NRXN3: variants seen among roughly 807,000 people sequenced by gnomAD.
NRXN3 encodes the protein neurexin III.
NRXN3 carries 32 observed loss-of-function variants against 137.6 expected under a neutral mutation model. That is an observed-to-expected ratio of 0.23 (90% CI 0.18 to 0.31). The LOEUF is 0.31. Ranked by LOEUF, NRXN3 falls within the 10% of genes least tolerant of loss-of-function variation. The pLI is 1.00. For missense variants in NRXN3, 1,574 were observed against 2,062.5 expected (o/e 0.76, Z 4.59); for synonymous variants, 798 against 784.5 (o/e 1.02, Z -0.29).
chr14:79,603,065 T>C (rs993048282), intron 16 of NRXN3, among the ~76,000 whole-genome samples: 2 of 152,210 alleles, frequency 1.3e-5, no homozygotes, highest in African/African-American at 4.8e-5. Flanking sequence ...GGAATCCAGT[T>C]CTCTTTCAGC....
chr14:79,337,709 A>C (rs1003051551), intron 15 of NRXN3, among the ~76,000 whole-genome samples: 1 of 152,178 alleles, frequency 6.6e-6, no homozygotes, highest in Non-Finnish European at 1.5e-5. Flanking sequence ...AATTCCTCAC[A>C]TGATAAATGC....
At position 78,685,725 on chromosome 14, in the gene NRXN3, T is replaced by G. The variant is rs148840792; in HGVS notation, c.1222-23492T>G. 9.2e-3 allele frequency among the ~76,000 whole-genome samples: 1,370 copies of G among 148,582 alleles called. 18 individuals are homozygous for G. The highest frequency in any genetic ancestry group is 0.031 in the African/African-American group (1,262 of 40,336). Reference sequence around the variant, plus strand: ...TCAGCCCACCACAACCTCCACCTCCTGGGTTCAAGCGATTCTCCTGCCTTA... The same window carrying G: ...TCAGCCCACCACAACCTCCACCTCCGGGGTTCAAGCGATTCTCCTGCCTTA... On this transcript the variant is annotated intron_variant, in intron 6 of 20. Transcript: ENST00000335750.
intron 9 of NRXN3, among the ~76,000 whole-genome samples, chr14:78,805,801 A>G (rs113904408): frequency 2.0e-5 from 3 of 152,244 alleles, no homozygotes; most frequent in African/African-American, 4.8e-5. Context: ...GTTGTTTAGT[A>G]AAGATTAGAG....
intron 15 of NRXN3, among the ~76,000 whole-genome samples, chr14:79,068,548 G>T (rs907850863): frequency 5.9e-5 from 9 of 152,060 alleles, no homozygotes; most frequent in African/African-American, 2.2e-4. Context: ...GTATAAATTT[G>T]ATCTTTCTTG....
At chr14:79,259,635 A>ATATATAGTTATCTATATATAGC (rs1487634079) in intron 15 of NRXN3, among the ~76,000 whole-genome samples, 5 of 148,146 alleles carry the variant, frequency 3.4e-5, no homozygotes, top group African/African-American at 4.9e-5. Context: ...ATATAGCTAT[A>ATATATAGTTATCTATATATAGC]TATATAGTTA....
At chr14:79,791,363 AT>A (rs2099144557) in intron 19 of NRXN3, 1 of 151,444 alleles carries the variant, frequency 6.6e-6, no homozygotes, top group South Asian at 2.1e-4. Flanking sequence ...GACAGGATAC[AT>A]TTTCTTAAAC....
chr14:79,491,206 T>C (rs988803914), intron 16 of NRXN3, among the ~76,000 whole-genome samples: 4 of 152,204 alleles, frequency 2.6e-5, no homozygotes, highest in Non-Finnish European at 4.4e-5. Flanking sequence ...CCATGCTTGC[T>C]GCTCACAAGT....
intron 15 of NRXN3, among the ~76,000 whole-genome samples, chr14:79,151,640 A>G (rs963411025): frequency 1.1e-4 from 16 of 152,110 alleles, no homozygotes; most frequent in Admixed American, 1.0e-3. Flanking sequence ...GCTCAAATGA[A>G]CAGGGCCTCA....
At chr14:79,471,015 G>A (rs2096499706) in intron 16 of NRXN3, among the ~76,000 whole-genome samples, 1 of 150,628 alleles carries the variant, frequency 6.6e-6, no homozygotes, top group South Asian at 2.1e-4. Flanking sequence ...AAGGAGAAGA[G>A]ACAAAGAAAG....
At chr14:78,534,799 TTTTC>T (rs1440996204) in intron 4 of NRXN3, among the ~76,000 whole-genome samples, 4 of 152,224 alleles carry the variant, frequency 2.6e-5, no homozygotes, top group Non-Finnish European at 5.9e-5. Context: ...GATTCTCCTT[TTTTC>T]TTTTCATTGC....
Position 78,957,234 on chromosome 14 carries a change from A to T in NRXN3, c.2276-8A>T. The T allele has an allele frequency of 6.2e-7, 1 of 1,613,282 alleles. No individual in the cohort carries two copies. The highest frequency in any genetic ancestry group is 2.2e-5 in the East Asian group (1 of 44,850). ...GATTCTAACTTTGGCACTTACTACC[A>T]TCCTTAGGCAAAGGACCAGAGACCT... On this transcript the variant is annotated splice_region_variant and splice_polypyrimidine_tract_variant and intron_variant, in intron 10 of 20. Coordinates refer to ENST00000335750, the MANE Select transcript of NRXN3 (RefSeq NM_001330195.2).
At chr14:78,682,956 C>A (rs2098090314) in intron 6 of NRXN3, among the ~76,000 whole-genome samples, 1 of 152,136 alleles carries the variant, frequency 6.6e-6, no homozygotes, top group Admixed American at 6.5e-5. Flanking sequence ...AGTAATATGT[C>A]AGAATGTCAT....
At chr14:78,855,097 G>A (rs780665676) in intron 10 of NRXN3, among the ~76,000 whole-genome samples, 1 of 151,646 alleles carries the variant, frequency 6.6e-6, no homozygotes, top group Admixed American at 6.6e-5. Flanking sequence ...CTGGGAGGCC[G>A]AGGTTGCAGT....
chr14:78,273,460 TC>T (rs1596614653), intron 2 of NRXN3, among the ~76,000 whole-genome samples: 1 of 152,136 alleles, frequency 6.6e-6, no homozygotes, highest in African/African-American at 2.4e-5. Flanking sequence ...CCCAAACCTT[TC>T]CTCTTGTCAC....
chr14:79,229,982 T>C (rs1299372665), intron 15 of NRXN3, among the ~76,000 whole-genome samples: 1 of 152,068 alleles, frequency 6.6e-6, no homozygotes, highest in Non-Finnish European at 1.5e-5. Context: ...ATGAACACCT[T>C]AGTAGAGAAT....
At chr14:79,011,920 A>G (rs985656248) in intron 15 of NRXN3, among the ~76,000 whole-genome samples, 1 of 152,218 alleles carries the variant, frequency 6.6e-6, no homozygotes, top group Non-Finnish European at 1.5e-5. Flanking sequence ...AATAAATAAC[A>G]TTATTCCAAA....
chr14:79,709,060 C>T (rs1418552865), intron 19 of NRXN3, among the ~76,000 whole-genome samples: 1 of 152,048 alleles, frequency 6.6e-6, no homozygotes, highest in East Asian at 1.9e-4. Flanking sequence ...GCTTCTTAAA[C>T]TTTAATGTGT....
At chr14:78,794,214 T>C (rs2153059117) in intron 8 of NRXN3, among the ~76,000 whole-genome samples, 1 of 152,176 alleles carries the variant, frequency 6.6e-6, no homozygotes. Context: ...AAACCCCGTC[T>C]CTACTAAAAA....
At chr14:79,641,684 G>A (rs1221866379) in intron 16 of NRXN3, among the ~76,000 whole-genome samples, 1 of 135,026 alleles carries the variant, frequency 7.4e-6, no homozygotes, top group African/African-American at 2.5e-5. Flanking sequence ...CCAGGGCTTA[G>A]TCTTTCATGG....
Sources: allele counts gnomAD v4.1 joint callset (sites outside exome capture counted in the v4.1 genomes callset), GRCh38; gene constraint gnomAD v4.1.1; transcripts MANE v1.5; gene names NCBI Gene and HGNC (gene_info 2026-07-23, HGNC 2026-07-21).